LAMB4: variants seen among roughly 807,000 people sequenced by gnomAD.
The protein encoded by LAMB4 is laminin subunit beta-4.
In LAMB4, 196 loss-of-function variants were observed where a neutral mutation model predicts 199.2. That is an observed-to-expected ratio of 0.98 (90% confidence interval 0.88 to 1.11). The LOEUF (loss-of-function observed/expected upper bound fraction) is 1.11. Ranked by LOEUF, LAMB4 falls within the 50% of genes least tolerant of loss-of-function variation. The probability of loss-of-function intolerance (pLI) is 0.00; values close to 1 mark genes in which losing one functional copy is unlikely to be tolerated. For missense variants in LAMB4, 2,080 were observed against 2,171.2 expected, an observed-to-expected ratio of 0.96 and a Z score of 0.83; for synonymous variants, 744 against 770.6, an observed-to-expected ratio of 0.97 and a Z score of 0.57.
At chr7:108,053,918 T>C (rs1222536489) in intron 25 of LAMB4, among the ~76,000 whole-genome samples, 1 of 152,236 alleles carries the variant, frequency 6.6e-6, no homozygotes, top group Non-Finnish European at 1.5e-5. Context: ...GCTGTATACA[T>C]TTTGAAGTGG....
At position 108,103,683 on chromosome 7, in the gene LAMB4, G is replaced by A. The variant is rs560379959; in HGVS notation, c.992-451C>T. Among the ~76,000 whole-genome samples, 12 of 152,346 alleles carry A rather than the reference G, an allele frequency of 7.9e-5. No individual in the cohort carries two copies. The East Asian group carries it at 2.3e-3, about 29-fold the overall frequency. ...CCTCTTTCCACAGCAGCAGAGAGCT[G>A]CAAGGGCTGCGGTCAATTTTATCTC... On this transcript the variant is annotated intron_variant, in intron 9 of 33. Coordinates refer to ENST00000388781, the MANE Select transcript of LAMB4 (RefSeq NM_007356.3).
chr7:108,026,057 G>T (rs184361894), intron 33 of LAMB4, among the ~76,000 whole-genome samples: 1 of 152,258 alleles, frequency 6.6e-6, no homozygotes, highest in East Asian at 1.9e-4. Context: ...AGGCTCCTGT[G>T]GGGTGGCCTC....
chr7:108,123,145 A>G lies in LAMB4; in HGVS notation c.20T>C (p.Leu7Pro). ...CAAATACTCACCAAGGTGCAAAAAA[A>G]GGGTCAGTTGAAATTGCATTCTTTT... MQFQLT[L>P]FLHLGWLSYS... Residue 7 changes from leucine to proline, a missense_variant, in exon 2 of 34, where the codon CTT becomes CCT. Leu to Pro is a moderately conservative substitution (Grantham distance 98, BLOSUM62 -3). Transcript: ENST00000388781. 6.2e-7 allele frequency: 1 copy of G among 1,610,922 alleles called. No homozygotes were observed. Among genetic ancestry groups the G allele is most frequent in the Non-Finnish European group, 8.5e-7 (1 of 1,179,142 alleles).
chr7:108,022,715 T>C (rs372508439), downstream of LAMB4, among the ~76,000 whole-genome samples: 10 of 152,322 alleles, frequency 6.6e-5, no homozygotes, highest in African/African-American at 2.4e-4. Context: ...TCTAGGGAAA[T>C]AGATTCTGCA....
downstream of LAMB4, among the ~76,000 whole-genome samples, chr7:108,020,308 C>T (rs2034663740): frequency 6.6e-6 from 1 of 151,828 alleles, no homozygotes; most frequent in African/African-American, 2.4e-5. Context: ...CCTGTCTCTA[C>T]TAAAAATACA....
chr7:108,047,258 A>T lies in LAMB4; in HGVS notation c.4326+650T>A, dbSNP rs1251528848. On this transcript the variant is annotated intron_variant, in intron 28 of 33. Coordinates refer to ENST00000388781, the MANE Select transcript of LAMB4 (RefSeq NM_007356.3). Reference sequence around the variant, plus strand: ...ACTGCACACGCCCACTTATATACAAATTTTTTTCAATAAAACTTACACTGA... The same window carrying T: ...ACTGCACACGCCCACTTATATACAATTTTTTTTCAATAAAACTTACACTGA... Among the ~76,000 whole-genome samples, 7 of 151,734 alleles carry T rather than the reference A, an allele frequency of 4.6e-5. No individual in the cohort carries two copies. The East Asian group carries it at 1.2e-3, about 25-fold the overall frequency.
At chr7:108,033,383 C>T (rs1229369453) in intron 31 of LAMB4, among the ~76,000 whole-genome samples, 7 of 152,088 alleles carry the variant, frequency 4.6e-5, no homozygotes, top group Admixed American at 1.3e-4. Context: ...TTTATTTCCT[C>T]GTGTATTACT....
chr7:108,020,806 C>A (rs370559734), downstream of LAMB4, among the ~76,000 whole-genome samples: 2 of 152,180 alleles, frequency 1.3e-5, no homozygotes, highest in African/African-American at 4.8e-5. Context: ...TGTTTTTACT[C>A]GATAATATAA....
intron 1 of LAMB4, among the ~76,000 whole-genome samples, chr7:108,127,085 C>G (rs886237167): frequency 1.3e-5 from 2 of 152,062 alleles, no homozygotes; most frequent in African/African-American, 4.8e-5. Flanking sequence ...TTAATTTGCC[C>G]CTCACACTTG....
intron 21 of LAMB4, among the ~76,000 whole-genome samples, chr7:108,065,436 G>A (rs553026566): frequency 5.5e-4 from 84 of 152,092 alleles, no homozygotes; most frequent in Non-Finnish European, 9.3e-4. Context: ...TAATATATAT[G>A]CTACTTTATC....
chr7:108,015,748 CTT>C, the LAMB4 span, among the ~76,000 whole-genome samples: 30,209 of 122,970 alleles, frequency 0.25, 3,218 homozygotes, highest in Admixed American at 0.29. Flanking sequence ...GTTTTGAAGA[CTT>C]TTTTTTTTTT....
At chr7:108,088,932 G>A (rs746213754) in intron 14 of LAMB4, among the ~76,000 whole-genome samples, 13 of 152,172 alleles carry the variant, frequency 8.5e-5, no homozygotes, top group Admixed American at 4.6e-4. Flanking sequence ...TCTGGGAGTA[G>A]CCAACCTGGA....
At chr7:108,108,417 TTG>T (rs2038101246) in intron 5 of LAMB4, among the ~76,000 whole-genome samples, 1 of 152,210 alleles carries the variant, frequency 6.6e-6, no homozygotes, top group African/African-American at 2.4e-5. Flanking sequence ...CAGCAATTTG[TTG>T]TGATTCTCTT....
At chr7:108,031,712 A>G (rs1482769030) in intron 31 of LAMB4, among the ~76,000 whole-genome samples, 1 of 152,214 alleles carries the variant, frequency 6.6e-6, no homozygotes, top group Admixed American at 6.5e-5. Flanking sequence ...AGGTCATTTA[A>G]GCTAATTTAC....
rs558899181 is a variant in LAMB4, at chr7:108,035,225, A to AT, written c.4680-880dup. Among the ~76,000 whole-genome samples the AT allele has an allele frequency of 9.2e-5, 14 of 151,600 alleles. No individual in the cohort carries two copies. In the East Asian group the frequency reaches 2.7e-3, roughly 29 times the overall value. The stretch of plus-strand genomic sequence containing the variant: ...GCCACCATTATCTTTTTCTTATATT[A>AT]TTTTTTCCTTTAGATTTTTAATTTA... On this transcript the variant is annotated intron_variant, in intron 30 of 33. Coordinates refer to ENST00000388781, the MANE Select transcript of LAMB4 (RefSeq NM_007356.3).
chr7:108,091,788 G>C lies in LAMB4; in HGVS notation c.1551-12C>G, dbSNP rs777768953. 6.2e-7 allele frequency: 1 copy of C among 1,612,418 alleles called. No homozygotes were observed. ...TCTTGGGTGAGCACCTGAGGAAAAA[G>C]CAATTCATCATGAAAAAATGCAAAG... On this transcript the variant is annotated splice_polypyrimidine_tract_variant and intron_variant, in intron 13 of 33. Coordinates refer to ENST00000388781, the MANE Select transcript of LAMB4 (RefSeq NM_007356.3).
chr7:108,085,363 T>C (rs1032223293), intron 14 of LAMB4, among the ~76,000 whole-genome samples: 1 of 152,202 alleles, frequency 6.6e-6, no homozygotes, highest in Non-Finnish European at 1.5e-5. Context: ...TGAAATGTTC[T>C]TATGTTTGCA....
intron 28 of LAMB4, among the ~76,000 whole-genome samples, chr7:108,047,328 G>C (rs1463453919): frequency 2.0e-5 from 3 of 151,738 alleles, no homozygotes; most frequent in Non-Finnish European, 4.4e-5. Context: ...CTCCACCCCT[G>C]CCATCTCTGA....
At chr7:108,087,946 T>A (rs1303909335) in intron 14 of LAMB4, among the ~76,000 whole-genome samples, 1 of 152,222 alleles carries the variant, frequency 6.6e-6, no homozygotes, top group East Asian at 1.9e-4. Context: ...ACTGAGTACA[T>A]GCATGGACCA....
Sources: gnomAD v4.1 joint callset for allele counts (sites outside exome capture counted in the v4.1 genomes callset) on GRCh38, gnomAD v4.1.1 for gene constraint, MANE v1.5 for transcripts, NCBI Gene and HGNC (gene_info 2026-07-23, HGNC 2026-07-21) for gene names.